Variants in DMD observed in about 807,000 individuals in gnomAD.
The protein encoded by DMD is mutant dystrophin.
DMD carries 63 observed loss-of-function variants against 330.1 expected under a neutral mutation model. That is an observed-to-expected ratio of 0.19 (90% CI 0.16 to 0.24). The LOEUF (loss-of-function observed/expected upper bound fraction) is 0.24, where lower values mean the gene tolerates loss of function less well. Ranked by LOEUF, DMD falls within the 10% of genes least tolerant of loss-of-function variation. The pLI is 1.00. For missense variants in DMD, 3,344 were observed against 2,684.1 expected, an observed-to-expected ratio of 1.25 and a Z score of -5.43; for synonymous variants, 1,223 against 959.8, an observed-to-expected ratio of 1.27 and a Z score of -5.07.
intron 47 of DMD, among the ~76,000 whole-genome samples, chrX:31,903,010 C>T (rs2094441065): frequency 9.0e-6 from 1 of 111,233 alleles, no homozygotes; most frequent in South Asian, 3.7e-4. Flanking sequence ...TATTATGACA[C>T]CTCTCAACAT....
chrX:32,721,066 T>TTGTGTGTGTGTGTGTG (rs113205688), intron 7 of DMD, among the ~76,000 whole-genome samples: 2 of 108,850 alleles, frequency 1.8e-5, no homozygotes, highest in African/African-American at 6.7e-5. Flanking sequence ...GGCTGAATAT[T>TTGTGTGTGTGTGTGTG]TGTGTGTGTG....
At chrX:32,587,291 T>TA (rs1199804906) in intron 13 of DMD, among the ~76,000 whole-genome samples, 1 of 111,554 alleles carries the variant, frequency 9.0e-6, no homozygotes, top group African/African-American at 3.3e-5. Flanking sequence ...ATTCCCTTTG[T>TA]AACCTGTGTG....
At chrX:32,777,277 T>TGGGGGCGGGGGGGGGTTGG (rs1557019832) in intron 7 of DMD, among the ~76,000 whole-genome samples, 5 of 2,115 alleles carry the variant, frequency 2.4e-3, no homozygotes, top group African/African-American at 0.015. Context: ...GGTTTCTGGT[T>TGGGGGCGGGGGGGGGTTGG]GGGGGGGGAA....
chrX:31,883,763 T>C (rs1403999202), intron 47 of DMD, among the ~76,000 whole-genome samples: 1 of 111,662 alleles, frequency 9.0e-6, no homozygotes, highest in Non-Finnish European at 1.9e-5. Context: ...ATTAAAAATA[T>C]ATTAAAAATA....
intron 50 of DMD, among the ~76,000 whole-genome samples, chrX:31,776,608 G>A (rs1378304723): frequency 9.1e-5 from 6 of 65,842 alleles, no homozygotes; most frequent in African/African-American, 3.6e-4. Flanking sequence ...AGGGAGGGAG[G>A]AAGGAGGGAG....
At chrX:32,752,133 C>A (rs2070902716) in intron 7 of DMD, among the ~76,000 whole-genome samples, 1 of 111,779 alleles carries the variant, frequency 8.9e-6, no homozygotes, top group Non-Finnish European at 1.9e-5. Flanking sequence ...TCTATTAGAG[C>A]CATGAAAAGA....
Position 31,941,928 on chromosome X carries a change from A to G in DMD, c.6615-9701T>C, listed in dbSNP as rs145526956. ...ATACCACGTTTATTTCATTCAATCC[A>G]CCACTGGTGGGCACCTAGGTTGATT... On this transcript the variant is annotated intron_variant, in intron 45 of 78. Transcript: ENST00000357033. Among the ~76,000 whole-genome samples, 3 of 111,897 alleles carry G rather than the reference A, an allele frequency of 2.7e-5. No individual in the cohort carries two copies. In the East Asian group the frequency reaches 8.4e-4, roughly 31 times the overall value.
intron 1 of DMD, among the ~76,000 whole-genome samples, chrX:33,219,748 G>T (rs2052136633): frequency 1.8e-5 from 2 of 111,763 alleles, no homozygotes; most frequent in Admixed American, 1.9e-4. Flanking sequence ...TGTAAGAAAG[G>T]TATTATGAGT....
chrX:32,136,167 A>G (rs772048046), intron 44 of DMD, among the ~76,000 whole-genome samples: 1 of 112,669 alleles, frequency 8.9e-6, no homozygotes, highest in Non-Finnish European at 1.9e-5. Flanking sequence ...AATATTTTTC[A>G]TTGTGTTCTA....
rs185791861 is a variant in DMD, at chrX:32,264,970, T to C, written c.6290+22559A>G. Among the ~76,000 whole-genome samples the C allele has an allele frequency of 9.2e-3, 1,030 of 112,347 alleles. 48 individuals carry two copies. The highest frequency in any genetic ancestry group is 0.09 in the Admixed American group (951 of 10,608). The stretch of plus-strand genomic sequence containing the variant: ...GTTCAGAAAATTTGCAGCCTGAAGA[T>C]GCAATAGAAAAGAAAAACTCATTTT... On this transcript the variant is annotated intron_variant, in intron 43 of 78. Transcript: ENST00000357033.
chrX:32,457,094 G>T (rs751929774), intron 25 of DMD, among the ~76,000 whole-genome samples: 2 of 109,201 alleles, frequency 1.8e-5, no homozygotes, highest in Non-Finnish European at 3.8e-5. Context: ...CTGAGCCCTG[G>T]AACACTTTCA....
intron 4 of DMD, 54 bp from the exon 5 acceptor site, chrX:32,823,441 CAATAAT>C (rs759021954): frequency 2.6e-6 from 2 of 773,917 alleles, no homozygotes; most frequent in Non-Finnish European, 4.0e-6. Flanking sequence ...TGCCTAGTTG[CAATAAT>C]AATAATAATA....
chrX:33,165,741 C>A (rs754328358), intron 1 of DMD, among the ~76,000 whole-genome samples: 1 of 110,938 alleles, frequency 9.0e-6, no homozygotes, highest in Non-Finnish European at 1.9e-5. Context: ...GTACCGGAAC[C>A]AAATAAGTAG....
intron 7 of DMD, among the ~76,000 whole-genome samples, chrX:32,757,947 C>CAGG (rs1220730003): frequency 2.7e-5 from 3 of 111,228 alleles, no homozygotes; most frequent in Admixed American, 1.9e-4. Context: ...GCTCTAGCAA[C>CAGG]AGGAGGAGGA....
intron 44 of DMD, among the ~76,000 whole-genome samples, chrX:31,971,090 C>A (rs1180517882): frequency 1.8e-5 from 2 of 111,687 alleles, no homozygotes; most frequent in Non-Finnish European, 3.8e-5. Flanking sequence ...TGCATTAGGT[C>A]CGTGGAGGCA....
At chrX:32,679,150 CAATGCTTAGTCCAGTGTTATAGTTG>C (rs1314146650) in intron 9 of DMD, among the ~76,000 whole-genome samples, 8 of 111,610 alleles carry the variant, frequency 7.2e-5, no homozygotes, top group Non-Finnish European at 1.9e-5. Flanking sequence ...GGAGATCAGC[CAATGCTTAGTCCAGTGTTATAGTTG>C]AGCCTTTTGT....
At position 31,648,617 on chromosome X, in the gene DMD, CAAAAAAAAAAAAAAAAAAAAAAAAAAAAA is replaced by C. The variant is rs548846514; in HGVS notation, c.8027+9344_8027+9372del. On this transcript the variant is annotated intron_variant, in intron 54 of 78. Transcript: ENST00000357033. ...TTCCCTACGGGGTGAAAGGGAGCTG[CAAAAAAAAAAAAAAAAAAAAAAAAAAAAA>C]AAAAAAAAAAAAAAAAAATCTGCTA... 1.9e-3 allele frequency among the ~76,000 whole-genome samples: 36 copies of C among 18,989 alleles called. 1 individual carries two copies. The Admixed American group carries it at 0.019, about 10-fold the overall frequency. The allele number at this position is 18,989 out of a possible 115,157, so 16.5% of individuals were successfully genotyped here. A position where few individuals can be genotyped will look rare whatever the true frequency, so the allele number is the denominator to read the frequency against.
chrX:33,008,647 T>C (rs1312307479), intron 2 of DMD, among the ~76,000 whole-genome samples: 1 of 109,210 alleles, frequency 9.2e-6, no homozygotes, highest in East Asian at 2.9e-4. Context: ...ACGAACTGTT[T>C]TTTTCTAACC....
chrX:32,619,370 ATT>A (rs2057821250), intron 11 of DMD, among the ~76,000 whole-genome samples: 1 of 111,409 alleles, frequency 9.0e-6, no homozygotes, highest in Non-Finnish European at 1.9e-5. Flanking sequence ...CAGTCAAAAT[ATT>A]CAAGTGATGT....
Sources: gnomAD v4.1 joint callset for allele counts (sites outside exome capture counted in the v4.1 genomes callset) on GRCh38, gnomAD v4.1.1 for gene constraint, MANE v1.5 for transcripts, NCBI Gene and HGNC (gene_info 2026-07-23, HGNC 2026-07-21) for gene names.